Variants in GRID2 observed in about 807,000 individuals in gnomAD.
GRID2 encodes the protein glutamate receptor ionotropic, delta-2.
A neutral mutation model predicts 114.8 loss-of-function variants in GRID2; 33 were observed. The ratio of observed to expected loss-of-function variants is 0.29; its 90% CI spans 0.22 to 0.38. The LOEUF (loss-of-function observed/expected upper bound fraction) is 0.38. Ranked by LOEUF, GRID2 falls within the 10% of genes least tolerant of loss-of-function variation. GRID2 has a pLI of 1.00. For missense variants in GRID2, 1,184 were observed against 1,257.7 expected, an observed-to-expected ratio of 0.94 and a Z score of 0.89; for synonymous variants, 505 against 449.9, an observed-to-expected ratio of 1.12 and a Z score of -1.55.
intron 1 of GRID2, among the ~76,000 whole-genome samples, chr4:92,503,140 A>C (rs146326804): frequency 6.6e-6 from 1 of 152,148 alleles, no homozygotes; most frequent in African/African-American, 2.4e-5. Flanking sequence ...AGCCTGTACT[A>C]ATTATGTACA....
chr4:92,354,562 A>G (rs1728226659), intron 1 of GRID2, among the ~76,000 whole-genome samples: 1 of 151,962 alleles, frequency 6.6e-6, no homozygotes, highest in South Asian at 2.1e-4. Flanking sequence ...AAAAGAATAT[A>G]TTACTCTTCT....
At chr4:92,856,520 A>G (rs1443558556) in intron 2 of GRID2, among the ~76,000 whole-genome samples, 3 of 152,176 alleles carry the variant, frequency 2.0e-5, no homozygotes, top group Non-Finnish European at 2.9e-5. Flanking sequence ...ATTTTTCAAC[A>G]CTTTTTTTCC....
At chr4:93,479,987 A>G (rs189976506) in intron 11 of GRID2, among the ~76,000 whole-genome samples, 2 of 152,246 alleles carry the variant, frequency 1.3e-5, no homozygotes, top group Non-Finnish European at 2.9e-5. Flanking sequence ...CTTTACTTGT[A>G]TAAGATATAA....
intron 10 of GRID2, among the ~76,000 whole-genome samples, chr4:93,436,422 C>T (rs888845720): frequency 1.3e-5 from 2 of 152,102 alleles, no homozygotes; most frequent in Non-Finnish European, 2.9e-5. Context: ...GTTCTCAATG[C>T]CAGGCCTACA....
chr4:92,430,592 G>C (rs528126257), intron 1 of GRID2, among the ~76,000 whole-genome samples: 1 of 152,112 alleles, frequency 6.6e-6, no homozygotes, highest in African/African-American at 2.4e-5. Context: ...GCTATCCTGT[G>C]TCTTGTGATT....
At chr4:92,583,458 A>G (rs938485317) in intron 1 of GRID2, among the ~76,000 whole-genome samples, 5 of 152,006 alleles carry the variant, frequency 3.3e-5, no homozygotes, top group African/African-American at 1.2e-4. Context: ...GGGTTAGATA[A>G]GATGAACTGA....
chr4:92,569,674 G>C (rs890256216), intron 1 of GRID2, among the ~76,000 whole-genome samples: 1 of 152,062 alleles, frequency 6.6e-6, no homozygotes, highest in Non-Finnish European at 1.5e-5. Flanking sequence ...TGAGTGGTGT[G>C]AGATGGTATC....
At chr4:93,015,336 C>A (rs558932756) in intron 2 of GRID2, among the ~76,000 whole-genome samples, 1 of 152,224 alleles carries the variant, frequency 6.6e-6, no homozygotes, top group African/African-American at 2.4e-5. Context: ...AACAAGGAAG[C>A]TACTATACAG....
intron 1 of GRID2, among the ~76,000 whole-genome samples, chr4:92,571,474 T>C (rs560699091): frequency 1.3e-5 from 2 of 151,878 alleles, no homozygotes; most frequent in Non-Finnish European, 2.9e-5. Context: ...GACAGATCAA[T>C]GAGACAGAAA....
At chr4:93,050,512 GT>G (rs1726596598) in intron 2 of GRID2, among the ~76,000 whole-genome samples, 1 of 19,598 alleles carries the variant, frequency 5.1e-5, no homozygotes, top group African/African-American at 7.1e-4. Flanking sequence ...AATACCTGGT[GT>G]GTGTGTGTGT....
At chr4:93,430,779 T>C (rs999818835) in intron 10 of GRID2, among the ~76,000 whole-genome samples, 3 of 152,068 alleles carry the variant, frequency 2.0e-5, no homozygotes, top group African/African-American at 4.8e-5. Context: ...ACAAGGAAGG[T>C]AGAGTAAAGG....
At chr4:92,357,666 T>C (rs544114012) in intron 1 of GRID2, among the ~76,000 whole-genome samples, 3 of 151,860 alleles carry the variant, frequency 2.0e-5, no homozygotes, top group Non-Finnish European at 4.4e-5. Flanking sequence ...GTTAGAATTA[T>C]TTTCTATAAT....
intron 2 of GRID2, among the ~76,000 whole-genome samples, chr4:93,055,315 C>T (rs1337626661): frequency 6.6e-6 from 1 of 151,820 alleles, no homozygotes; most frequent in Non-Finnish European, 1.5e-5. Flanking sequence ...GTTGACAAAG[C>T]AGTGCTGGGT....
intron 12 of GRID2, among the ~76,000 whole-genome samples, chr4:93,509,170 A>C (rs2149483814): frequency 6.6e-6 from 1 of 152,352 alleles, no homozygotes; most frequent in East Asian, 1.9e-4. Context: ...AGCTGTGCTA[A>C]AGAATGGATT....
intron 2 of GRID2, among the ~76,000 whole-genome samples, chr4:92,841,643 T>G (rs1350215934): frequency 2.6e-5 from 4 of 152,122 alleles, no homozygotes; most frequent in Non-Finnish European, 4.4e-5. Flanking sequence ...TTTAGATGCA[T>G]GCTCTCCAGT....
chr4:92,517,434 C>G (rs1475163994), intron 1 of GRID2, among the ~76,000 whole-genome samples: 1 of 151,830 alleles, frequency 6.6e-6, no homozygotes, highest in Non-Finnish European at 1.5e-5. Context: ...TATAATGATA[C>G]TTTGTAAGCA....
intron 2 of GRID2, among the ~76,000 whole-genome samples, chr4:92,830,272 T>G (rs953620506): frequency 3.3e-5 from 5 of 151,452 alleles, no homozygotes; most frequent in African/African-American, 1.2e-4. Context: ...ATGCAGTAAG[T>G]AGGACAACTG....
chr4:92,940,192 C>G lies in GRID2; in HGVS notation c.245-144803C>G, dbSNP rs1204867233. Among the ~76,000 whole-genome samples, 2 of 147,054 alleles carry G rather than the reference C, an allele frequency of 1.4e-5. 1 individual carries two copies. Among genetic ancestry groups the G allele is most frequent in the Non-Finnish European group, 3.0e-5 (2 of 66,466 alleles). ...TTTTCACAATATTGATTCTTCCTAC[C>G]CATGAGCATGGAATGTTCTTCCATT... On this transcript the variant is annotated intron_variant, in intron 2 of 15. Coordinates refer to ENST00000282020, the MANE Select transcript of GRID2 (RefSeq NM_001510.4).
rs199799255 is a variant in GRID2, at chr4:93,627,673, C to T, written c.2360+1238C>T. ...ATTCCAAGGCCCAGGCTGAAGAAGC[C>T]GACCTAACAGGGACATGCTGTTCTC... On this transcript the variant is annotated intron_variant, in intron 14 of 15. Coordinates refer to ENST00000282020, the MANE Select transcript of GRID2 (RefSeq NM_001510.4). 2.0e-5 allele frequency among the ~76,000 whole-genome samples: 3 copies of T among 152,292 alleles called. No individual in the cohort carries two copies. In the East Asian group the frequency reaches 5.8e-4, roughly 29 times the overall value.
Sources: gnomAD v4.1 joint callset for allele counts (sites outside exome capture counted in the v4.1 genomes callset) on GRCh38, gnomAD v4.1.1 for gene constraint, MANE v1.5 for transcripts, NCBI Gene and HGNC (gene_info 2026-07-23, HGNC 2026-07-21) for gene names.